The following CCDC38 variants were observed in gnomAD, a reference collection of about 807,000 sequenced individuals.
CCDC38 encodes coiled-coil domain containing 38.
CCDC38 carries 69 observed loss-of-function variants against 72.8 expected under a neutral mutation model. The observed-to-expected ratio is 0.95, with a 90% CI of 0.78 to 1.16. CCDC38 has a LOEUF of 1.16. Among genes scored for constraint, CCDC38 ranks in the 50% most tolerant of loss-of-function variants. The pLI is 0.00. For synonymous variants in CCDC38, 201 were observed against 213.2 expected, an observed-to-expected ratio of 0.94 and a Z score of 0.50; for missense variants, 626 against 638.9, an observed-to-expected ratio of 0.98 and a Z score of 0.22.
rs1462785386 is a variant in CCDC38, at chr12:95,869,579, A to G, written c.1485-6T>C. 6.2e-7 allele frequency: 1 copy of G among 1,603,982 alleles called. No homozygotes were observed. Among genetic ancestry groups the G allele is most frequent in the African/African-American group, 1.3e-5 (1 of 74,582 alleles). On this transcript the variant is annotated splice_region_variant and splice_polypyrimidine_tract_variant and intron_variant, in intron 14 of 15. Transcript: ENST00000344280. ...TCATTTTCTCATCACGAAACCTGTC[A>G]CAAGAAGGGAGAAACATTCTTGTAA...
At chr12:95,867,937 G>A (rs1373096666) in intron 15 of CCDC38, among the ~76,000 whole-genome samples, 1 of 152,176 alleles carries the variant, frequency 6.6e-6, no homozygotes, top group Non-Finnish European at 1.5e-5. Flanking sequence ...TCTTATGTGA[G>A]ATTGTCCCCT....
chr12:95,909,470 G>A (rs1002298805), intron 4 of CCDC38, among the ~76,000 whole-genome samples: 2 of 152,066 alleles, frequency 1.3e-5, no homozygotes, highest in African/African-American at 4.8e-5. Flanking sequence ...CCTACCAGAG[G>A]TACAAAGAAA....
At chr12:95,904,748 G>A (rs2079984413) in intron 5 of CCDC38, among the ~76,000 whole-genome samples, 1 of 152,184 alleles carries the variant, frequency 6.6e-6, no homozygotes, top group Admixed American at 6.5e-5. Flanking sequence ...CCCTCTGAGT[G>A]TGACCCAAAG....
chr12:95,880,034 G>A, intron 11 of CCDC38: 2 of 285,676 alleles, frequency 7.0e-6, no homozygotes, highest in Non-Finnish European at 1.3e-5. Context: ...AAGAAAAAAG[G>A]AAGAAGAGGG....
At chr12:95,926,606 C>T (rs1230222664) in intron 2 of CCDC38, among the ~76,000 whole-genome samples, 1 of 151,928 alleles carries the variant, frequency 6.6e-6, no homozygotes, top group Admixed American at 6.5e-5. Context: ...TTTGCTCTTG[C>T]TTTTCTAGTT....
intron 10 of CCDC38, among the ~76,000 whole-genome samples, chr12:95,882,613 G>C (rs1285244426): frequency 6.6e-6 from 1 of 152,146 alleles, no homozygotes; most frequent in African/African-American, 2.4e-5. Flanking sequence ...TGACATTACA[G>C]TCCACCCTTC....
At chr12:95,912,037 A>G (rs2080100269) in intron 4 of CCDC38, among the ~76,000 whole-genome samples, 1 of 152,262 alleles carries the variant, frequency 6.6e-6, no homozygotes, top group African/African-American at 2.4e-5. Flanking sequence ...ATGCAGCCAT[A>G]AAAAGAATAA....
At chr12:95,924,907 T>A (rs1445898400) in intron 2 of CCDC38, among the ~76,000 whole-genome samples, 1 of 137,198 alleles carries the variant, frequency 7.3e-6, no homozygotes, top group East Asian at 2.1e-4. Flanking sequence ...ATATCTCTGT[T>A]TTGGTACCAG....
chr12:95,890,518 C>T (rs967164216), intron 9 of CCDC38, among the ~76,000 whole-genome samples: 2 of 152,230 alleles, frequency 1.3e-5, no homozygotes, highest in Non-Finnish European at 2.9e-5. Flanking sequence ...AGTGGGCCTG[C>T]CAACGGCAGA....
At position 95,881,595 on chromosome 12, in the gene CCDC38, G is replaced by C. The variant is rs1348684164; in HGVS notation, c.921-41C>G. 2.6e-6 allele frequency: 4 copies of C among 1,530,348 alleles called. No homozygotes were observed. In the South Asian group the frequency reaches 4.6e-5, roughly 18 times the overall value. The allele number at this position is 1,530,348 out of a possible 1,614,324, so 94.8% of individuals were successfully genotyped here. A position where few individuals can be genotyped will look rare whatever the true frequency, so the allele number is the denominator to read the frequency against. ...GAAAAAGAAAATGTCTGATTTGTGA[G>C]CCATTTTCTGTCAACAGGTTTGCAT... is the stretch of plus-strand genomic sequence containing the variant. On this transcript the variant is annotated intron_variant, in intron 10 of 15. Transcript: ENST00000344280.
At chr12:95,872,508 A>G (rs2079592192) in intron 13 of CCDC38, 48 bp from the exon 14 acceptor site, 1 of 1,179,382 alleles carries the variant, frequency 8.5e-7, no homozygotes, top group Admixed American at 1.7e-5. Context: ...TCCACATTCA[A>G]TAAATATACC....
chr12:95,898,412 G>T lies in CCDC38; in HGVS notation c.587C>A (p.Ala196Glu), dbSNP rs1021929236. Residue 196 changes from alanine (A) to glutamate (E), a missense_variant, in exon 7 of 16, where the codon GCA (alanine) becomes GAA (glutamate). By Grantham distance (107) the Ala-to-Glu change is moderately radical (BLOSUM62 -1). Coordinates refer to ENST00000344280, the MANE Select transcript of CCDC38 (RefSeq NM_182496.3). ...KLQMTAELKK[A>E]SMEVQAVKSE... ...TTTCACTGCTTGTACCTCCATGCTT[G>T]CTTTCTTCAGCTCTGCTGTCATTTG... 1.9e-6 allele frequency: 3 copies of T among 1,614,046 alleles called. No homozygotes were observed. Among genetic ancestry groups the T allele is most frequent in the African/African-American group, 1.3e-5 (1 of 74,900 alleles).
At chr12:95,869,429 T>C (rs757459238) in intron 15 of CCDC38, 51 bp downstream of exon 15, 1 of 1,348,216 alleles carries the variant, frequency 7.4e-7, no homozygotes, top group Non-Finnish European at 1.0e-6. Flanking sequence ...TTTGTTTTTG[T>C]ATTTTGTATC....
At position 95,879,505 on chromosome 12, in the gene CCDC38, A is replaced by G. The variant is rs1023200165; in HGVS notation, c.1142+139T>C. On this transcript the variant is annotated intron_variant, in intron 12 of 15. Coordinates refer to ENST00000344280, the MANE Select transcript of CCDC38 (RefSeq NM_182496.3). This position sits in a 1 kb window ranked among gnomAD's most constrained non-coding sequence, Gnocchi z 5.5. ...TGTAAATACGACGTCTACGTTTTGC[A>G]CTCCACAATGTAAACTATTAAAAAC... The G allele has an allele frequency of 5.8e-6, 3 of 512,990 alleles. No individual in the cohort carries two copies. The highest frequency in any genetic ancestry group is 1.0e-5 in the Non-Finnish European group (3 of 290,592). The allele number at this position is 512,990 out of a possible 1,614,324, so 31.8% of individuals were successfully genotyped here.
chr12:95,878,485 G>T (rs1156904459), intron 12 of CCDC38, 139 bp from the exon 13 acceptor site: 2 of 753,832 alleles, frequency 2.7e-6, no homozygotes, highest in Admixed American at 2.8e-5. Flanking sequence ...TGAAGACATT[G>T]CCAAAGTACA....
chr12:95,933,104 A>G (rs1280232790), intron 2 of CCDC38: 2 of 152,244 alleles, frequency 1.3e-5, no homozygotes, highest in Admixed American at 1.3e-4. Flanking sequence ...AAACAGTAGA[A>G]CATATAGGTT....
At chr12:95,915,291 A>C (rs1305971045) in intron 4 of CCDC38, among the ~76,000 whole-genome samples, 1 of 152,190 alleles carries the variant, frequency 6.6e-6, no homozygotes, top group Non-Finnish European at 1.5e-5. Context: ...ACCTGAGGGC[A>C]CCTCCACCAC....
chr12:95,892,069 G>A (rs67342468), intron 8 of CCDC38, among the ~76,000 whole-genome samples: 14,981 of 148,244 alleles, frequency 0.1, 1,332 homozygotes, highest in African/African-American at 0.25. Context: ...CCCTCTCCAA[G>A]GGATCACTCT....
chr12:95,887,532 A>T (rs1420129844), intron 10 of CCDC38, among the ~76,000 whole-genome samples: 1 of 152,248 alleles, frequency 6.6e-6, no homozygotes, highest in Non-Finnish European at 1.5e-5. Flanking sequence ...GATTCCACTT[A>T]TAGAACATTC....
Sources: allele counts gnomAD v4.1 joint callset (sites outside exome capture counted in the v4.1 genomes callset), GRCh38; gene constraint gnomAD v4.1.1; non-coding constraint Gnocchi (gnomAD v3.1); transcripts MANE v1.5; gene names NCBI Gene and HGNC (gene_info 2026-07-23, HGNC 2026-07-21).